ERC1: variants seen among roughly 807,000 people sequenced by gnomAD.
ERC1 encodes RAB6 interacting protein 2.
In ERC1, 56 loss-of-function variants were observed where a neutral mutation model predicts 132.0. The ratio of observed to expected loss-of-function variants is 0.42; its 90% CI spans 0.34 to 0.53. ERC1 has a LOEUF of 0.53. Ranked by LOEUF, ERC1 falls within the 20% of genes least tolerant of loss-of-function variation. ERC1 has a pLI of 0.03. For synonymous variants in ERC1, 478 were observed against 476.1 expected (o/e 1.00, Z -0.05); for missense variants, 1,202 against 1,349.9 (o/e 0.89, Z 1.72).
chr12:1,176,915 ATTGT>A (rs1375019464), intron 8 of ERC1, among the ~76,000 whole-genome samples: 12 of 152,222 alleles, frequency 7.9e-5, no homozygotes, highest in Admixed American at 7.2e-4. Flanking sequence ...TTGAAAATTC[ATTGT>A]TTGTTGTAGC....
intron 1 of ERC1, among the ~76,000 whole-genome samples, chr12:1,007,516 T>TTCTCTCTC (rs377671282): frequency 7.6e-4 from 94 of 122,942 alleles, no homozygotes; most frequent in South Asian, 5.9e-3. Flanking sequence ...CACTGGGTAA[T>TTCTCTCTC]TCTCTCTCTC....
At chr12:1,386,715 A>G (rs1391585006) in intron 16 of ERC1, 1 of 151,232 alleles carries the variant, frequency 6.6e-6, no homozygotes, top group Admixed American at 6.6e-5. Flanking sequence ...AATTTTACAC[A>G]CTTATGTAAC....
intron 14 of ERC1, among the ~76,000 whole-genome samples, chr12:1,277,341 T>G (rs554596826): frequency 6.6e-6 from 1 of 152,358 alleles, no homozygotes; most frequent in Non-Finnish European, 1.5e-5. Flanking sequence ...TTGATCCTAC[T>G]TTATTTCCTT....
At chr12:1,276,245 T>C (rs2078257278) in intron 14 of ERC1, among the ~76,000 whole-genome samples, 1 of 144,476 alleles carries the variant, frequency 6.9e-6, no homozygotes, top group African/African-American at 2.5e-5. Flanking sequence ...CTTTTTCTTT[T>C]TTTTTTTTTG....
chr12:1,135,320 G>C (rs752606635), intron 7 of ERC1, among the ~76,000 whole-genome samples: 6 of 152,134 alleles, frequency 3.9e-5, no homozygotes, highest in Admixed American at 3.9e-4. Context: ...ACCACTTCGG[G>C]CTTCTAGTCT....
chr12:1,399,442 T>C (rs1038507521), intron 16 of ERC1, among the ~76,000 whole-genome samples: 1 of 152,214 alleles, frequency 6.6e-6, no homozygotes, highest in Non-Finnish European at 1.5e-5. Context: ...TTTTAAAGTA[T>C]CTTTTTCTAG....
At chr12:1,384,392 CTGTG>C (rs1196259575) in intron 16 of ERC1, among the ~76,000 whole-genome samples, 4 of 152,152 alleles carry the variant, frequency 2.6e-5, no homozygotes, top group Non-Finnish European at 5.9e-5. Flanking sequence ...GTTCGAAAAT[CTGTG>C]TGCTCATAAC....
At position 1,495,106 on chromosome 12, in the gene ERC1, G is replaced by A. The variant is rs2094347555; in HGVS notation, c.*4876G>A. The A allele has an allele frequency of 2.2e-5, 5 of 229,598 alleles. No homozygotes were observed. Among genetic ancestry groups the A allele is most frequent in the South Asian group, 1.8e-4 (1 of 5,494 alleles). 14.2% of individuals were successfully genotyped at this position (229,598 alleles called of 1,614,324 possible). A position where few individuals can be genotyped will look rare whatever the true frequency, so the allele number is the denominator to read the frequency against. On this transcript the variant is annotated 3_prime_UTR_variant, in exon 19 of 19. Transcript: ENST00000360905. ...TGTGACCCCATAACCACCCTCACCCGACGTGGGTTCTAGCTCAGTGTGCCT... is the reference window on the plus strand; with the variant it reads ...TGTGACCCCATAACCACCCTCACCCAACGTGGGTTCTAGCTCAGTGTGCCT...
rs1247474255 is a variant in ERC1 at position 991,282 on chromosome 12, C to T, written c.-197C>T. On this transcript the variant is annotated 5_prime_UTR_variant, in exon 1 of 19. Transcript: ENST00000360905. The stretch of plus-strand genomic sequence containing the variant: ...GGCGGTAGTGGCGGCGGCGGCGGTG[C>T]CTGGGCGGCAGCAGCAGCAGTAGCG... 6.1e-4 allele frequency: 52 copies of T among 85,612 alleles called. 1 individual carries two copies. The East Asian group carries it at 7.4e-3, about 12-fold the overall frequency. The allele number at this position is 85,612 out of a possible 1,614,324, so 5.3% of individuals were successfully genotyped here. A position where few individuals can be genotyped will look rare whatever the true frequency, so the allele number is the denominator to read the frequency against.
chr12:1,424,238 C>T (rs898327775), intron 17 of ERC1, among the ~76,000 whole-genome samples: 1 of 152,056 alleles, frequency 6.6e-6, no homozygotes, highest in African/African-American at 2.4e-5. Context: ...GGCAATCTAC[C>T]TTAAATCTTT....
intron 16 of ERC1, among the ~76,000 whole-genome samples, chr12:1,389,828 C>T (rs1045745660): frequency 2.6e-5 from 4 of 152,118 alleles, no homozygotes. Flanking sequence ...GGGTATTTTG[C>T]CTATTTTCCT....
At chr12:1,288,992 TG>T (rs1409675254) in intron 14 of ERC1, among the ~76,000 whole-genome samples, 1 of 151,102 alleles carries the variant, frequency 6.6e-6, no homozygotes, top group African/African-American at 2.4e-5. Flanking sequence ...GGTGGCTTTT[TG>T]TTTGTTGTTT....
At chr12:1,020,742 A>C (rs1463817111) in intron 1 of ERC1, 5 of 152,238 alleles carry the variant, frequency 3.3e-5, no homozygotes, top group African/African-American at 9.7e-5. Flanking sequence ...GATTTGAGAG[A>C]GTGACGAAGA....
chr12:1,015,880 T>A (rs1298557963), intron 1 of ERC1, among the ~76,000 whole-genome samples: 1 of 152,226 alleles, frequency 6.6e-6, no homozygotes, highest in Non-Finnish European at 1.5e-5. Flanking sequence ...TATAATTATT[T>A]AAATAGCTAA....
At chr12:1,437,918 A>G (rs1047910505) in intron 17 of ERC1, among the ~76,000 whole-genome samples, 1 of 152,214 alleles carries the variant, frequency 6.6e-6, no homozygotes, top group Non-Finnish European at 1.5e-5. Context: ...TGTGGTTTTC[A>G]TAGGCACATT....
At position 1,110,042 on chromosome 12, in the gene ERC1, A is replaced by G. The variant is rs1945681938; in HGVS notation, c.1162-150A>G. On this transcript the variant is annotated intron_variant, in intron 4 of 18. Transcript: ENST00000360905. ...AGCCTGGGCGACAGACTCTGTCTCA[A>G]AAAAAGGAAGCAAGGCACCAATTGC... 8.7e-5 allele frequency: 57 copies of G among 652,630 alleles called. 1 individual carries two copies. In the South Asian group the frequency reaches 1.3e-3, roughly 15 times the overall value. 40.4% of individuals were successfully genotyped at this position (652,630 alleles called of 1,614,324 possible).
chr12:1,389,919 C>CA (rs965017681), intron 16 of ERC1, among the ~76,000 whole-genome samples: 1 of 152,008 alleles, frequency 6.6e-6, no homozygotes, highest in African/African-American at 2.4e-5. Context: ...GAAACAACAA[C>CA]AAAAAAACCC....
At chr12:1,228,929 G>A (rs1016053366) in intron 12 of ERC1, among the ~76,000 whole-genome samples, 1 of 152,080 alleles carries the variant, frequency 6.6e-6, no homozygotes, top group Non-Finnish European at 1.5e-5. Flanking sequence ...TTTGTTGAAA[G>A]TTTTGCGTCT....
intron 18 of ERC1, among the ~76,000 whole-genome samples, chr12:1,468,179 T>C (rs2093783931): frequency 6.6e-6 from 1 of 152,130 alleles, no homozygotes; most frequent in Admixed American, 6.5e-5. Flanking sequence ...CAGATAGATG[T>C]CAGAATACAA....
Sources: gnomAD v4.1 joint callset for allele counts (sites outside exome capture counted in the v4.1 genomes callset) on GRCh38, gnomAD v4.1.1 for gene constraint, MANE v1.5 for transcripts, NCBI Gene and HGNC (gene_info 2026-07-23, HGNC 2026-07-21) for gene names.